Variants in DNAH5 observed in about 807,000 individuals in gnomAD.
DNAH5 encodes the protein axonemal beta dynein heavy chain 5.
A neutral mutation model predicts 518.2 loss-of-function variants in DNAH5; 372 were observed. The observed-to-expected ratio is 0.72, with a 90% CI of 0.66 to 0.78. DNAH5 has a LOEUF of 0.78. Among genes scored for constraint, DNAH5 ranks in the 30% least tolerant of loss-of-function variants. DNAH5 has a pLI of 0.00. For synonymous variants in DNAH5, 2,039 were observed against 2,025.9 expected (o/e 1.01, Z -0.17); for missense variants, 5,523 against 5,687.0 (o/e 0.97, Z 0.93).
rs200457834 is a variant in DNAH5 at position 13,788,826 on chromosome 5, G to A, written c.8537C>T (p.Ala2846Val). The change falls in exon 51 of 79, where the codon GCT (alanine) becomes GTT (valine). Residue 2846 changes from alanine to valine, a missense_variant. By Grantham distance (64) the Ala-to-Val change is moderately conservative. Coordinates refer to ENST00000265104, the MANE Select transcript of DNAH5 (RefSeq NM_001369.3). Reference sequence around the variant, plus strand: ...CTCCTCCTCTACCAAACTTACTAAAGCCTTATCAAACCAGGTCACATCACT... The same window carrying A: ...CTCCTCCTCTACCAAACTTACTAAAACCTTATCAAACCAGGTCACATCACT... ...VSSDVTWFDK[A>V]LVSLVEEEFG... The A allele has an allele frequency of 3.5e-5, 57 of 1,613,876 alleles. No homozygotes were observed. The Admixed American group carries it at 3.8e-4, about 11-fold the overall frequency.
intron 11 of DNAH5, among the ~76,000 whole-genome samples, chr5:13,912,879 A>G (rs747998158): frequency 2.6e-5 from 4 of 151,884 alleles, no homozygotes; most frequent in Non-Finnish European, 4.4e-5. Context: ...TATTTTCTTG[A>G]CAGATATTTA....
chr5:13,768,872 G>A lies in DNAH5; in HGVS notation c.9897+88C>T, dbSNP rs998087122. 5.7e-6 allele frequency: 8 copies of A among 1,414,738 alleles called. No homozygotes were observed. The African/African-American group carries it at 1.1e-4, about 20-fold the overall frequency. The allele number at this position is 1,414,738 out of a possible 1,614,324, so 87.6% of individuals were successfully genotyped here. A position where few individuals can be genotyped will look rare whatever the true frequency, so the allele number is the denominator to read the frequency against. On this transcript the variant is annotated intron_variant, in intron 58 of 78. Transcript: ENST00000265104. ...GATAGAGCTTTCATCTGAACCAGTAGAGCATTTCCTTGCTGTTATTCATCT... is the reference window on the plus strand; with the variant it reads ...GATAGAGCTTTCATCTGAACCAGTAAAGCATTTCCTTGCTGTTATTCATCT...
chr5:13,909,731 A>G (rs1775757906), intron 12 of DNAH5, among the ~76,000 whole-genome samples: 1 of 152,094 alleles, frequency 6.6e-6, no homozygotes, highest in Non-Finnish European at 1.5e-5. Flanking sequence ...TGCTAAATTC[A>G]TTACTCTGTT....
chr5:13,813,922 T>A (rs13354563), intron 43 of DNAH5, among the ~76,000 whole-genome samples: 40,025 of 152,090 alleles, frequency 0.26, 5,809 homozygotes, highest in East Asian at 0.54. Flanking sequence ...GATGAAAATA[T>A]TCAATATAAC....
In DNAH5 at chr5:13,713,913, A is replaced by G. The variant is rs530261414; in HGVS notation, c.13125+492T>C. Among the ~76,000 whole-genome samples the G allele has an allele frequency of 1.1e-3, 161 of 152,342 alleles. 1 individual carries two copies. Among genetic ancestry groups the G allele is most frequent in the African/African-American group, 3.6e-3 (148 of 41,580 alleles). On this transcript the variant is annotated intron_variant, in intron 75 of 78. Coordinates refer to ENST00000265104, the MANE Select transcript of DNAH5 (RefSeq NM_001369.3). ...CTTTCATCATCATAAATTTGCTTAG[A>G]AACTACTTACATACTAAAAATATCA...
At chr5:13,712,560 A>G (rs926767906) in intron 75 of DNAH5, among the ~76,000 whole-genome samples, 2 of 152,194 alleles carry the variant, frequency 1.3e-5, no homozygotes, top group Non-Finnish European at 2.9e-5. Flanking sequence ...AAAAATCTTC[A>G]CAATCTATAC....
At position 13,737,443 on chromosome 5, in the gene DNAH5, C is replaced by G. The variant is rs746532189; in HGVS notation, c.11264G>C (p.Arg3755Thr). 1.2e-6 allele frequency: 2 copies of G among 1,614,126 alleles called. No individual in the cohort carries two copies. Among genetic ancestry groups the G allele is most frequent in the South Asian group, 2.2e-5 (2 of 91,090 alleles). The change falls in exon 66 of 79, where the codon AGA becomes ACA. Residue 3755 changes from arginine (R) to threonine (T), a missense_variant. This residue lies in a region of DNAH5 where 5,121 missense variants were observed against 5,223.3 expected (regional missense o/e 0.98). Coordinates refer to ENST00000265104, the MANE Select transcript of DNAH5 (RefSeq NM_001369.3). ...GTTATCTTCTAGTTCCTTCATCCTT[C>G]TTTTGTTTGCAGTTACATCTTCCAT... ...HLMEDVTANK[R>T]RMKELEDNLL...
At chr5:13,743,011 T>C (rs1240244536) in intron 65 of DNAH5, among the ~76,000 whole-genome samples, 1 of 152,106 alleles carries the variant, frequency 6.6e-6, no homozygotes, top group Non-Finnish European at 1.5e-5. Context: ...ATATTTTCAT[T>C]TATATGGCTG....
intron 44 of DNAH5, 29 bp downstream of exon 44, chr5:13,811,618 G>C (rs899161835): frequency 2.5e-6 from 4 of 1,605,556 alleles, no homozygotes; most frequent in Non-Finnish European, 2.6e-6. Context: ...TGATAAGAGA[G>C]AATTTCTCTA....
chr5:13,906,797 T>A (rs539587412), intron 12 of DNAH5, among the ~76,000 whole-genome samples: 3 of 152,164 alleles, frequency 2.0e-5, no homozygotes, highest in African/African-American at 7.2e-5. Context: ...ATGTACTACA[T>A]ATTAAAATTT....
intron 2 of DNAH5, among the ~76,000 whole-genome samples, chr5:13,930,780 G>C (rs965780693): frequency 6.6e-6 from 1 of 152,222 alleles, no homozygotes; most frequent in African/African-American, 2.4e-5. Flanking sequence ...CACAAAAGAC[G>C]AATCGGCAAC....
chr5:13,787,053 C>G (rs1756142395), intron 51 of DNAH5, among the ~76,000 whole-genome samples: 1 of 152,072 alleles, frequency 6.6e-6, no homozygotes. Flanking sequence ...AACCCCATCT[C>G]TACTAAAATT....
At chr5:13,735,362 C>A in intron 67 of DNAH5, 41 bp from the exon 68 acceptor site, 1 of 1,576,762 alleles carries the variant, frequency 6.3e-7, no homozygotes, top group African/African-American at 1.3e-5. Flanking sequence ...TCCCACTGCC[C>A]TTTTCAATTG....
chr5:13,869,349 T>A (rs11743596), intron 24 of DNAH5, among the ~76,000 whole-genome samples: 2 of 151,700 alleles, frequency 1.3e-5, no homozygotes, highest in Admixed American at 1.3e-4. Context: ...ACAATTAAAC[T>A]AGTCTCATTT....
At chr5:13,862,833 A>G (rs1332832133) in intron 28 of DNAH5, 86 bp from the exon 29 acceptor site, 2 of 549,250 alleles carry the variant, frequency 3.6e-6, no homozygotes, top group East Asian at 6.5e-5. Context: ...CATCTTCACT[A>G]TTTGCTTCAT....
At chr5:13,908,450 T>C (rs184731095) in intron 12 of DNAH5, among the ~76,000 whole-genome samples, 3 of 152,322 alleles carry the variant, frequency 2.0e-5, no homozygotes, top group Admixed American at 2.0e-4. Context: ...TTCTACCCTA[T>C]GGCTTCGCAA....
At chr5:13,841,184 A>T in intron 33 of DNAH5, 54 bp from the exon 34 acceptor site, 3 of 1,360,770 alleles carry the variant, frequency 2.2e-6, no homozygotes, top group Non-Finnish European at 3.1e-6. Context: ...TATGTATTTA[A>T]ATAGAAATAC....
chr5:13,803,641 T>G (rs149895219), intron 47 of DNAH5, among the ~76,000 whole-genome samples: 1 of 152,352 alleles, frequency 6.6e-6, no homozygotes, highest in Admixed American at 6.5e-5. Context: ...GAGAGCTTTA[T>G]GATACAAATA....
intron 52 of DNAH5, among the ~76,000 whole-genome samples, chr5:13,782,087 A>T (rs1408515511): frequency 6.6e-6 from 1 of 152,146 alleles, no homozygotes; most frequent in Non-Finnish European, 1.5e-5. Flanking sequence ...TTTATACCTT[A>T]TGCAAGAACT....
Sources: gnomAD v4.1 joint callset for allele counts (sites outside exome capture counted in the v4.1 genomes callset) on GRCh38, gnomAD v4.1.1 for gene constraint, gnomAD v4.1.1 regional missense constraint, MANE v1.5 for transcripts, NCBI Gene and HGNC (gene_info 2026-07-23, HGNC 2026-07-21) for gene names.